EPHA3: variants seen among roughly 807,000 people sequenced by gnomAD.
EPHA3 encodes the protein EPH receptor A3.
In EPHA3, 42 loss-of-function variants were observed where a neutral mutation model predicts 107.1. The ratio of observed to expected loss-of-function variants is 0.39; its 90% confidence interval spans 0.31 to 0.51. The LOEUF is 0.51. EPHA3 is among the 20% of genes least tolerant of loss of function. The probability of loss-of-function intolerance (pLI) is 0.78; values close to 1 mark genes in which losing one functional copy is unlikely to be tolerated. For synonymous variants in EPHA3, 461 were observed against 424.8 expected (o/e 1.09, Z -1.05); for missense variants, 1,183 against 1,211.2 (o/e 0.98, Z 0.35).
intron 3 of EPHA3, among the ~76,000 whole-genome samples, chr3:89,306,816 A>G (rs775291471): frequency 8.5e-5 from 13 of 152,154 alleles, no homozygotes; most frequent in Non-Finnish European, 1.3e-4. Flanking sequence ...GTCTTTCAAT[A>G]CTTGTGAAGT....
At chr3:89,370,852 T>C (rs1205280968) in intron 5 of EPHA3, among the ~76,000 whole-genome samples, 4 of 151,620 alleles carry the variant, frequency 2.6e-5, no homozygotes, top group Admixed American at 2.6e-4. Context: ...TGAAGTGAAT[T>C]GGGCAAAGTG....
chr3:89,216,979 T>A (rs1246976172), intron 3 of EPHA3, among the ~76,000 whole-genome samples: 1 of 152,162 alleles, frequency 6.6e-6, no homozygotes, highest in Non-Finnish European at 1.5e-5. Flanking sequence ...CTGTGAAATA[T>A]ACTGGTAATA....
chr3:89,472,721 T>C (rs934472316), intron 16 of EPHA3, 102 bp downstream of exon 16: 1 of 1,338,838 alleles, frequency 7.5e-7, no homozygotes, highest in Admixed American at 2.3e-5. Context: ...GTTACAAATA[T>C]TAGTGGTAGA....
At chr3:89,404,474 G>T (rs1453898740) in intron 7 of EPHA3, among the ~76,000 whole-genome samples, 1 of 152,134 alleles carries the variant, frequency 6.6e-6, no homozygotes, top group Non-Finnish European at 1.5e-5. Flanking sequence ...GAGAGAGAAA[G>T]CCAGCACTCT....
At chr3:89,222,607 T>C (rs1170860430) in intron 3 of EPHA3, among the ~76,000 whole-genome samples, 1 of 151,606 alleles carries the variant, frequency 6.6e-6, no homozygotes, top group Non-Finnish European at 1.5e-5. Flanking sequence ...TACATATACA[T>C]TTTTAGTAAA....
rs60081529 is a variant in EPHA3 at position 89,479,258 on chromosome 3, A to G, written c.2847-139A>G. 7.5e-3 allele frequency: 5,186 copies of G among 691,316 alleles called. 207 individuals are homozygous for G. In the African/African-American group the frequency reaches 0.084, roughly 11 times the overall value. The allele number at this position is 691,316 out of a possible 1,614,324, so 42.8% of individuals were successfully genotyped here. ...TACAAGATGGTGGAACGGTCCGGAC[A>G]TAACACAGATGATGCAAATATCAGA... On this transcript the variant is annotated intron_variant, in intron 16 of 16. Transcript: ENST00000336596.
At chr3:89,308,685 A>G (rs914892234) in intron 3 of EPHA3, among the ~76,000 whole-genome samples, 2 of 152,044 alleles carry the variant, frequency 1.3e-5, no homozygotes, top group African/African-American at 2.4e-5. Flanking sequence ...CAAACATTAT[A>G]AATCCTCACC....
At chr3:89,284,848 C>T (rs1202646869) in intron 3 of EPHA3, among the ~76,000 whole-genome samples, 4 of 152,144 alleles carry the variant, frequency 2.6e-5, no homozygotes, top group Non-Finnish European at 5.9e-5. Context: ...AATGTGTTAG[C>T]CGATGCGGTG....
intron 2 of EPHA3, among the ~76,000 whole-genome samples, chr3:89,203,723 G>A (rs1371514743): frequency 7.2e-5 from 11 of 152,150 alleles, no homozygotes; most frequent in Non-Finnish European, 1.3e-4. Context: ...CTTGCAGTGA[G>A]CCGAGATCGC....
At chr3:89,200,420 T>C (rs183806009) in intron 2 of EPHA3, among the ~76,000 whole-genome samples, 2 of 152,312 alleles carry the variant, frequency 1.3e-5, no homozygotes, top group East Asian at 3.9e-4. Context: ...CTCTTTATAA[T>C]CTTTTTGGGA....
chr3:89,132,360 A>G (rs184584610), intron 2 of EPHA3, among the ~76,000 whole-genome samples: 210 of 152,328 alleles, frequency 1.4e-3, no homozygotes, highest in Non-Finnish European at 2.4e-3. Flanking sequence ...AGAATGTTTT[A>G]TCTTTGCTCA....
chr3:89,269,242 C>G (rs1296266696), intron 3 of EPHA3, among the ~76,000 whole-genome samples: 2 of 152,006 alleles, frequency 1.3e-5, no homozygotes, highest in Non-Finnish European at 2.9e-5. Flanking sequence ...GACTGAGGCA[C>G]AGAGACTTTA....
At chr3:89,184,029 ACCTTTTCCTTT>A (rs1705504303) in intron 2 of EPHA3, among the ~76,000 whole-genome samples, 1 of 151,770 alleles carries the variant, frequency 6.6e-6, no homozygotes, top group African/African-American at 2.4e-5. Context: ...TTAAGGTTTG[ACCTTTTCCTTT>A]AAATATATTC....
At chr3:89,309,915 C>T (rs1706723759) in intron 3 of EPHA3, among the ~76,000 whole-genome samples, 2 of 147,432 alleles carry the variant, frequency 1.4e-5, no homozygotes, top group South Asian at 4.5e-4. Context: ...TAATGCCATT[C>T]TCATATCCTG....
chr3:89,324,033 C>T (rs1290378885), intron 3 of EPHA3, among the ~76,000 whole-genome samples: 1 of 151,872 alleles, frequency 6.6e-6, no homozygotes, highest in African/African-American at 2.4e-5. Flanking sequence ...TTCCTATTGG[C>T]TAACTCAATG....
At chr3:89,147,381 G>T (rs938940934) in intron 2 of EPHA3, among the ~76,000 whole-genome samples, 2 of 151,720 alleles carry the variant, frequency 1.3e-5, no homozygotes, top group African/African-American at 2.4e-5. Flanking sequence ...TAAATGTAAG[G>T]TTTCTAAGAA....
chr3:89,114,520 G>A (rs1049568893), intron 1 of EPHA3, among the ~76,000 whole-genome samples: 4 of 152,180 alleles, frequency 2.6e-5, no homozygotes, highest in South Asian at 2.1e-4. Context: ...CCCTCTGGAG[G>A]CCAGTGGGTT....
intron 11 of EPHA3, among the ~76,000 whole-genome samples, chr3:89,423,491 A>G (rs1479245146): frequency 6.6e-6 from 1 of 151,430 alleles, no homozygotes; most frequent in Non-Finnish European, 1.5e-5. Context: ...AAAAGACAAT[A>G]CATACGTTGT....
chr3:89,275,234 A>G (rs1338799854), intron 3 of EPHA3, among the ~76,000 whole-genome samples: 2 of 152,032 alleles, frequency 1.3e-5, no homozygotes, highest in East Asian at 3.9e-4. Context: ...TCAATTCTAC[A>G]CACTCCTTTC....
Sources: gnomAD v4.1 joint callset for allele counts (sites outside exome capture counted in the v4.1 genomes callset) on GRCh38, gnomAD v4.1.1 for gene constraint, MANE v1.5 for transcripts, NCBI Gene and HGNC (gene_info 2026-07-23, HGNC 2026-07-21) for gene names.